Variants in PDE11A observed in about 807,000 individuals in gnomAD.
PDE11A encodes the protein dual 3',5'-cyclic-AMP and -GMP phosphodiesterase 11A.
A neutral mutation model predicts 100.5 loss-of-function variants in PDE11A; 100 were observed. That is an observed-to-expected ratio of 1.00 (90% CI 0.85 to 1.18). PDE11A has a LOEUF of 1.18. Ranked by LOEUF, PDE11A falls within the 50% of genes most tolerant of loss-of-function variation. PDE11A has a pLI of 0.00. For synonymous variants in PDE11A, 381 were observed against 420.8 expected (o/e 0.91, Z 1.16); for missense variants, 1,141 against 1,152.6 (o/e 0.99, Z 0.15).
At position 177,747,710 on chromosome 2, in the gene PDE11A, C is replaced by T. The variant is rs533712676; in HGVS notation, c.1789-19538G>A. 7.2e-5 allele frequency among the ~76,000 whole-genome samples: 11 copies of T among 152,312 alleles called. No homozygotes were observed. In the East Asian group the frequency reaches 1.9e-3, roughly 27 times the overall value. The stretch of plus-strand genomic sequence containing the variant: ...TTTTGGGTTCTCAGGCAACATATGG[C>T]CTGCCTTTTATCGTATTGCCTGTAG... On this transcript the variant is annotated intron_variant, in intron 10 of 19. Transcript: ENST00000286063.
In PDE11A at chr2:177,680,772, G is replaced by A; in HGVS notation, c.2423+54C>T. On this transcript the variant is annotated intron_variant, in intron 16 of 19. Transcript: ENST00000286063. ...CTCTTAGTACTGTCAGAAAATTTATGTGGACTAAATGTCCAAATAATGAAG... is the reference window on the plus strand; with the variant it reads ...CTCTTAGTACTGTCAGAAAATTTATATGGACTAAATGTCCAAATAATGAAG... 3.1e-6 allele frequency: 3 copies of A among 959,246 alleles called. No homozygotes were observed. The East Asian group carries it at 7.2e-5, about 23-fold the overall frequency. 59.4% of individuals were successfully genotyped at this position (959,246 alleles called of 1,614,324 possible).
At chr2:177,867,244 A>G (rs2084045520) in intron 5 of PDE11A, among the ~76,000 whole-genome samples, 1 of 152,216 alleles carries the variant, frequency 6.6e-6, no homozygotes, top group Non-Finnish European at 1.5e-5. Flanking sequence ...TCTTTAAAGT[A>G]GGAACAGAAT....
intron 2 of PDE11A, among the ~76,000 whole-genome samples, chr2:177,993,790 A>C (rs1372411689): frequency 2.0e-5 from 3 of 152,116 alleles, no homozygotes; most frequent in Admixed American, 2.0e-4. Context: ...TCCACTATTA[A>C]CTTCTTGCTA....
At chr2:177,958,228 C>G (rs2085590798) in intron 2 of PDE11A, among the ~76,000 whole-genome samples, 1 of 152,084 alleles carries the variant, frequency 6.6e-6, no homozygotes, top group South Asian at 2.1e-4. Flanking sequence ...TCCTCTAGTA[C>G]ATAAAGTATT....
At chr2:178,065,214 G>A (rs2087028251) in intron 1 of PDE11A, among the ~76,000 whole-genome samples, 1 of 152,046 alleles carries the variant, frequency 6.6e-6, no homozygotes, top group African/African-American at 2.4e-5. Flanking sequence ...CTTAAAATAA[G>A]CAGCAAGCAA....
intron 4 of PDE11A, among the ~76,000 whole-genome samples, chr2:177,885,170 T>C (rs951463217): frequency 1.3e-5 from 2 of 151,672 alleles, no homozygotes; most frequent in African/African-American, 4.9e-5. Context: ...TTAATATGTA[T>C]GAACAAGTAA....
chr2:177,638,656 T>G (rs2080090877), intron 19 of PDE11A, among the ~76,000 whole-genome samples: 1 of 152,258 alleles, frequency 6.6e-6, no homozygotes, highest in South Asian at 2.1e-4. Context: ...GTCAGGTTAT[T>G]TGGAAATAAT....
intron 2 of PDE11A, among the ~76,000 whole-genome samples, chr2:178,008,130 C>T (rs2086234211): frequency 6.6e-6 from 1 of 152,036 alleles, no homozygotes; most frequent in Non-Finnish European, 1.5e-5. Flanking sequence ...CTTTTTTTAG[C>T]ATTTGTGTAT....
At chr2:177,666,129 T>A (rs1244886216) in intron 18 of PDE11A, among the ~76,000 whole-genome samples, 1 of 152,214 alleles carries the variant, frequency 6.6e-6, no homozygotes, top group African/African-American at 2.4e-5. Flanking sequence ...TTTCTCTATC[T>A]ATGGATTTGC....
At chr2:177,845,093 C>T (rs1334902507) in intron 5 of PDE11A, among the ~76,000 whole-genome samples, 2 of 152,060 alleles carry the variant, frequency 1.3e-5, no homozygotes, top group East Asian at 1.9e-4. Flanking sequence ...CAGAGGGGCT[C>T]CTCACTTCCC....
chr2:177,667,762 C>G (rs2080611670), intron 18 of PDE11A, among the ~76,000 whole-genome samples: 1 of 152,150 alleles, frequency 6.6e-6, no homozygotes, highest in African/African-American at 2.4e-5. Context: ...AACAAGGTGC[C>G]TTGCTTCATG....
At chr2:177,940,752 T>G (rs1559016169) in intron 2 of PDE11A, among the ~76,000 whole-genome samples, 5 of 152,270 alleles carry the variant, frequency 3.3e-5, no homozygotes, top group African/African-American at 1.2e-4. Flanking sequence ...TTAAACAAAA[T>G]CTGGGAAAAT....
chr2:177,826,586 C>T (rs2083229553), intron 6 of PDE11A, among the ~76,000 whole-genome samples: 1 of 152,182 alleles, frequency 6.6e-6, no homozygotes, highest in Non-Finnish European at 1.5e-5. Flanking sequence ...AGAATAGTGC[C>T]TGTATATGAT....
intron 2 of PDE11A, among the ~76,000 whole-genome samples, chr2:177,999,157 A>T (rs1202735714): frequency 6.6e-6 from 1 of 152,210 alleles, no homozygotes; most frequent in Non-Finnish European, 1.5e-5. Context: ...AAAAGAAGCA[A>T]TGGACATTTA....
chr2:177,639,228 A>C (rs2080102251), intron 19 of PDE11A, among the ~76,000 whole-genome samples: 1 of 152,108 alleles, frequency 6.6e-6, no homozygotes, highest in African/African-American at 2.4e-5. Flanking sequence ...CATTGTCTGA[A>C]AAGTGTTGTT....
chr2:178,004,702 C>T (rs2086184110), intron 2 of PDE11A, among the ~76,000 whole-genome samples: 1 of 152,160 alleles, frequency 6.6e-6, no homozygotes, highest in Non-Finnish European at 1.5e-5. Flanking sequence ...TGTTTCAAGT[C>T]CTGCCAGCAT....
intron 1 of PDE11A, among the ~76,000 whole-genome samples, chr2:178,048,213 C>T (rs1357908113): frequency 6.6e-6 from 1 of 151,990 alleles, no homozygotes; most frequent in Non-Finnish European, 1.5e-5. Flanking sequence ...ATCAGAAGAA[C>T]CTTCTAACGG....
In PDE11A at chr2:177,995,655, G is replaced by A. The variant is rs745957323; in HGVS notation, c.1071+18647C>T. ...ATACTCCACAAACACCACCCACCCC[G>A]CATCTGCTGTTTTAACCTAAAAATT... is the stretch of plus-strand genomic sequence containing the variant. On this transcript the variant is annotated intron_variant, in intron 2 of 19. Coordinates refer to ENST00000286063, the MANE Select transcript of PDE11A (RefSeq NM_016953.4). Among the ~76,000 whole-genome samples the A allele has an allele frequency of 1.0e-4, 9 of 88,168 alleles. 1 individual carries two copies. The highest frequency in any genetic ancestry group is 9.3e-4 in the South Asian group (2 of 2,162). 57.8% of individuals were successfully genotyped at this position (88,168 alleles called of 152,430 possible). A position where few individuals can be genotyped will look rare whatever the true frequency, so the allele number is the denominator to read the frequency against.
chr2:177,860,667 T>A (rs1410358040), intron 5 of PDE11A, among the ~76,000 whole-genome samples: 1 of 151,736 alleles, frequency 6.6e-6, no homozygotes, highest in African/African-American at 2.4e-5. Flanking sequence ...TAGACCCTTA[T>A]AAATATAGAT....
Sources: allele counts gnomAD v4.1 joint callset (sites outside exome capture counted in the v4.1 genomes callset), GRCh38; gene constraint gnomAD v4.1.1; transcripts MANE v1.5; gene names NCBI Gene and HGNC (gene_info 2026-07-23, HGNC 2026-07-21).